The following EYS variants were observed in gnomAD, a reference collection of about 807,000 sequenced individuals.
EYS encodes the protein protein eyes shut homolog.
EYS carries 250 observed loss-of-function variants against 282.1 expected under a neutral mutation model. The observed-to-expected ratio is 0.89, with a 90% CI of 0.80 to 0.98. The LOEUF (loss-of-function observed/expected upper bound fraction) is 0.98, where lower values mean the gene tolerates loss of function less well. Among genes scored for constraint, EYS ranks in the 50% least tolerant of loss-of-function variants. EYS has a pLI of 0.00. For synonymous variants in EYS, 1,355 were observed against 1,282.9 expected, an observed-to-expected ratio of 1.06 and a Z score of -1.20; for missense variants, 4,016 against 3,709.0, an observed-to-expected ratio of 1.08 and a Z score of -2.15.
chr6:64,342,431 A>G (rs1771157200), intron 29 of EYS, among the ~76,000 whole-genome samples: 1 of 151,958 alleles, frequency 6.6e-6, no homozygotes, highest in African/African-American at 2.4e-5. Context: ...AAAGAAAAGA[A>G]TTTTCAACCT....
intron 33 of EYS, among the ~76,000 whole-genome samples, chr6:64,014,759 G>A (rs1002444107): frequency 1.4e-5 from 2 of 147,756 alleles, no homozygotes; most frequent in Non-Finnish European, 3.0e-5. Context: ...CCTTTGGCTT[G>A]GCTTATTTAG....
At chr6:63,823,669 A>G (rs1305803846) in intron 36 of EYS, among the ~76,000 whole-genome samples, 1 of 152,072 alleles carries the variant, frequency 6.6e-6, no homozygotes, top group Non-Finnish European at 1.5e-5. Context: ...AAGTTCTTTT[A>G]TACTTTATTT....
At chr6:64,025,818 A>G (rs1200451683) in intron 33 of EYS, among the ~76,000 whole-genome samples, 2 of 152,158 alleles carry the variant, frequency 1.3e-5, no homozygotes, top group Non-Finnish European at 2.9e-5. Flanking sequence ...CCCTCAGGGT[A>G]TGGCCCTCCA....
chr6:65,082,736 C>T (rs1340016528), intron 12 of EYS, among the ~76,000 whole-genome samples: 1 of 151,996 alleles, frequency 6.6e-6, no homozygotes, highest in Admixed American at 6.6e-5. Flanking sequence ...GCTATTCCCC[C>T]CATTGTTACA....
intron 26 of EYS, among the ~76,000 whole-genome samples, chr6:64,525,604 G>T (rs544618558): frequency 6.6e-6 from 1 of 151,640 alleles, no homozygotes; most frequent in African/African-American, 2.4e-5. Flanking sequence ...GAAATAATCT[G>T]CATAGCAATC....
Position 65,177,185 on chromosome 6 carries a change from C to A in EYS, c.2023+118678G>T, listed in dbSNP as rs989518747. ...TATATTCAAAAATCTTTGCTGGCAA[C>A]TAATTTGTCTGCCAAGATTTCATTA... On this transcript the variant is annotated intron_variant, in intron 12 of 42. Coordinates refer to ENST00000503581, the MANE Select transcript of EYS (RefSeq NM_001142800.2). 2.6e-4 allele frequency among the ~76,000 whole-genome samples: 39 copies of A among 151,706 alleles called. 1 individual carries two copies. The highest frequency in any genetic ancestry group is 8.9e-4 in the African/African-American group (37 of 41,384).
chr6:64,037,697 TG>T lies in EYS; in HGVS notation c.6725+28640del, dbSNP rs1346943670. ...ATGAAACAATGAATAAACACACACA[TG>T]CAGATGAGATGCTAGGTTGCTACGG... On this transcript the variant is annotated intron_variant, in intron 33 of 42. Transcript: ENST00000503581. Among the ~76,000 whole-genome samples the T allele has an allele frequency of 4.6e-5, 7 of 152,184 alleles. No individual in the cohort carries two copies. In the South Asian group the frequency reaches 1.2e-3, roughly 27 times the overall value.
At chr6:64,095,877 T>C (rs1772588227) in intron 31 of EYS, among the ~76,000 whole-genome samples, 2 of 152,240 alleles carry the variant, frequency 1.3e-5, no homozygotes, top group Non-Finnish European at 2.9e-5. Flanking sequence ...TGGCATGTTT[T>C]TGCAGTGGCT....
chr6:64,075,493 C>G (rs1184837715), intron 32 of EYS, among the ~76,000 whole-genome samples: 1 of 151,914 alleles, frequency 6.6e-6, no homozygotes, highest in South Asian at 2.1e-4. Context: ...ATACACAACT[C>G]TTAGAGGAAA....
chr6:65,334,016 T>C (rs938155313), intron 11 of EYS, among the ~76,000 whole-genome samples: 2 of 151,684 alleles, frequency 1.3e-5, no homozygotes, highest in African/African-American at 2.4e-5. Flanking sequence ...ATAAAGTGTA[T>C]CTTCTATAGA....
intron 1 of EYS, among the ~76,000 whole-genome samples, chr6:65,692,397 A>AAT (rs1769276910): frequency 6.7e-6 from 1 of 150,106 alleles, no homozygotes; most frequent in Non-Finnish European, 1.5e-5. Context: ...TGCTCCCTAA[A>AAT]ACTATAAAAA....
chr6:65,092,226 T>C (rs964794010), intron 12 of EYS, among the ~76,000 whole-genome samples: 2 of 152,138 alleles, frequency 1.3e-5, no homozygotes, highest in African/African-American at 4.8e-5. Flanking sequence ...AGTCTTGAAT[T>C]CATGTAAAAT....
At chr6:64,345,379 C>G (rs1649670437) in intron 29 of EYS, among the ~76,000 whole-genome samples, 1 of 152,038 alleles carries the variant, frequency 6.6e-6, no homozygotes, top group Admixed American at 6.6e-5. Context: ...CAGAACAGAG[C>G]CCTCAGAAAT....
chr6:64,801,195 T>C (rs1774538610), intron 22 of EYS, among the ~76,000 whole-genome samples: 1 of 152,044 alleles, frequency 6.6e-6, no homozygotes, highest in South Asian at 2.1e-4. Flanking sequence ...GACTGAAAAG[T>C]AGCACATGTA....
chr6:65,105,991 T>C (rs1775024260), intron 12 of EYS, among the ~76,000 whole-genome samples: 1 of 151,882 alleles, frequency 6.6e-6, no homozygotes, highest in African/African-American at 2.4e-5. Context: ...AAGTTAGGAA[T>C]ACCAACAAAG....
chr6:65,475,748 G>GACACACACACACAC lies in EYS; in HGVS notation c.862+14845_862+14846insGTGTGTGTGTGTGT, dbSNP rs111446667. Among the ~76,000 whole-genome samples, 95 of 121,598 alleles carry GACACACACACACAC rather than the reference G, an allele frequency of 7.8e-4. 1 individual carries two copies. The South Asian group carries it at 0.017, about 22-fold the overall frequency. The allele number at this position is 121,598 out of a possible 152,430, so 79.8% of individuals were successfully genotyped here. On this transcript the variant is annotated intron_variant, in intron 5 of 42. Coordinates refer to ENST00000503581, the MANE Select transcript of EYS (RefSeq NM_001142800.2). ...TTTTGTACCCCCTGACAGACAGACAGACAGACAGACACACACACACACACA... is the reference window on the plus strand; with the variant it reads ...TTTTGTACCCCCTGACAGACAGACAGACACACACACACACACAGACAGACACACACACACACACA...
intron 1 of EYS, among the ~76,000 whole-genome samples, chr6:65,671,343 T>A (rs1768384946): frequency 6.6e-6 from 1 of 152,102 alleles, no homozygotes; most frequent in African/African-American, 2.4e-5. Context: ...AATTACAGTA[T>A]TTTTTTCTCT....
intron 26 of EYS, among the ~76,000 whole-genome samples, chr6:64,469,331 C>G (rs763988950): frequency 2.0e-5 from 3 of 151,926 alleles, no homozygotes; most frequent in Admixed American, 6.5e-5. Context: ...ACCAGCTGTT[C>G]CAGTATAATA....
chr6:64,339,373 A>C (rs938121148), intron 29 of EYS, among the ~76,000 whole-genome samples: 12 of 152,060 alleles, frequency 7.9e-5, no homozygotes, highest in African/African-American at 2.7e-4. Context: ...CAAACATGAA[A>C]AAATGCTCAA....
Sources: allele counts gnomAD v4.1 joint callset (sites outside exome capture counted in the v4.1 genomes callset), GRCh38; gene constraint gnomAD v4.1.1; transcripts MANE v1.5; gene names NCBI Gene and HGNC (gene_info 2026-07-23, HGNC 2026-07-21).